PTPRN2: variants seen among roughly 807,000 people sequenced by gnomAD.
PTPRN2 encodes receptor-type tyrosine-protein phosphatase N2.
PTPRN2 carries 74 observed loss-of-function variants against 118.8 expected under a neutral mutation model. The observed-to-expected ratio is 0.62, with a 90% CI of 0.52 to 0.76. The LOEUF is 0.76. PTPRN2 is among the 30% of genes least tolerant of loss of function. The probability of loss-of-function intolerance (pLI) is 0.00; values close to 1 mark genes in which losing one functional copy is unlikely to be tolerated. For synonymous variants in PTPRN2, 641 were observed against 608.0 expected, an observed-to-expected ratio of 1.05 and a Z score of -0.80; for missense variants, 1,481 against 1,394.4, an observed-to-expected ratio of 1.06 and a Z score of -0.99.
chr7:158,508,045 T>C (rs541594966), intron 1 of PTPRN2, among the ~76,000 whole-genome samples: 13 of 129,278 alleles, frequency 1.0e-4, no homozygotes, highest in Admixed American at 4.6e-4. Context: ...GGGACAGCGC[T>C]ACAGTGTTAC....
Position 158,555,281 on chromosome 7 carries a change from T to C in PTPRN2, c.112+32277A>G, listed in dbSNP as rs906930279. Among the ~76,000 whole-genome samples the C allele has an allele frequency of 3.9e-5, 6 of 152,194 alleles. No homozygotes were observed. The highest frequency in any genetic ancestry group is 3.4e-3 in the Middle Eastern group (1 of 294). On this transcript the variant is annotated intron_variant, in intron 1 of 22. Coordinates refer to ENST00000389418, the MANE Select transcript of PTPRN2 (RefSeq NM_002847.5). This position sits in a 1 kb window ranked among gnomAD's most constrained non-coding sequence, Gnocchi z 4.7. ...TCCCACAGCTGCCTTTTGGGGGAGGTTGGGGCTTATGCCTTAGGGCGCCAG... is the reference window on the plus strand; with the variant it reads ...TCCCACAGCTGCCTTTTGGGGGAGGCTGGGGCTTATGCCTTAGGGCGCCAG...
chr7:157,945,144 C>T (rs941932878), intron 11 of PTPRN2, among the ~76,000 whole-genome samples: 7 of 152,154 alleles, frequency 4.6e-5, no homozygotes, highest in African/African-American at 1.4e-4. Flanking sequence ...AGCAGGGATC[C>T]GTGCAGGGAT....
At chr7:158,317,078 C>T (rs999885527) in intron 2 of PTPRN2, 146 bp from the exon 3 acceptor site, 24 of 564,552 alleles carry the variant, frequency 4.3e-5, no homozygotes, top group Non-Finnish European at 6.4e-5. Flanking sequence ...TGTTAGGACC[C>T]GGGAGCACCC....
At chr7:158,109,646 G>T (rs73748068) in intron 10 of PTPRN2, among the ~76,000 whole-genome samples, 1 of 150,992 alleles carries the variant, frequency 6.6e-6, no homozygotes, top group African/African-American at 2.4e-5. Flanking sequence ...GTGTCTGAAT[G>T]ATGTCACCCC....
intron 2 of PTPRN2, among the ~76,000 whole-genome samples, chr7:158,323,360 G>A (rs1373145073): frequency 3.3e-5 from 5 of 152,142 alleles, no homozygotes; most frequent in Non-Finnish European, 7.4e-5. Context: ...CAGAGTTCTA[G>A]GACGCAACCC....
At chr7:157,552,830 A>G (rs1049561448) in intron 21 of PTPRN2, among the ~76,000 whole-genome samples, 3 of 152,144 alleles carry the variant, frequency 2.0e-5, no homozygotes, top group Admixed American at 1.3e-4. Flanking sequence ...CCTGGCCGGG[A>G]AGCTGGATGG....
At chr7:158,494,362 A>G (rs1821676501) in intron 1 of PTPRN2, among the ~76,000 whole-genome samples, 1 of 152,242 alleles carries the variant, frequency 6.6e-6, no homozygotes, top group Admixed American at 6.5e-5. Context: ...CCTGACTGCC[A>G]TGAGGGCAGA....
intron 3 of PTPRN2, among the ~76,000 whole-genome samples, chr7:158,231,786 A>G (rs527702906): frequency 2.0e-5 from 3 of 152,344 alleles, no homozygotes; most frequent in South Asian, 2.1e-4. Context: ...TCTGACCACC[A>G]TAGACTAAAA....
chr7:158,545,588 G>A (rs1826231857), intron 1 of PTPRN2, among the ~76,000 whole-genome samples: 1 of 152,190 alleles, frequency 6.6e-6, no homozygotes, highest in Non-Finnish European at 1.5e-5. Context: ...TGTGGCTGAT[G>A]AGGAGCTGAG....
In PTPRN2 at chr7:157,610,572, C is replaced by A. The variant is rs1176029245; in HGVS notation, c.2345-6497G>T. ...GCTGCAAAGGCACATCCCGGGGCTG[C>A]TGGCCGTCAGCAAGGGCCGTCAGTG... is the stretch of plus-strand genomic sequence containing the variant. On this transcript the variant is annotated intron_variant, in intron 15 of 22. Coordinates refer to ENST00000389418, the MANE Select transcript of PTPRN2 (RefSeq NM_002847.5). The surrounding 1 kb of genome is among the most constrained non-coding windows in gnomAD (Gnocchi z 5.1). Among the ~76,000 whole-genome samples, 5 of 152,208 alleles carry A rather than the reference C, an allele frequency of 3.3e-5. No individual in the cohort carries two copies. The highest frequency in any genetic ancestry group is 1.3e-4 in the Admixed American group (2 of 15,286).
At chr7:158,001,528 G>A (rs943115857) in intron 11 of PTPRN2, among the ~76,000 whole-genome samples, 3 of 152,156 alleles carry the variant, frequency 2.0e-5, no homozygotes, top group Middle Eastern at 3.4e-3. Context: ...CTGAGTCCAC[G>A]GCTGGGGACG....
chr7:158,340,041 G>A (rs1426986927), intron 2 of PTPRN2, among the ~76,000 whole-genome samples: 1 of 75,196 alleles, frequency 1.3e-5, no homozygotes, highest in African/African-American at 4.9e-5. Context: ...GACATATGCA[G>A]ACGTCACTCA....
chr7:158,405,449 G>GT (rs1396052636), intron 2 of PTPRN2, among the ~76,000 whole-genome samples: 1 of 152,150 alleles, frequency 6.6e-6, no homozygotes, highest in South Asian at 2.1e-4. Flanking sequence ...TGGAGGAAAT[G>GT]TTTTTTTAGC....
intron 3 of PTPRN2, among the ~76,000 whole-genome samples, chr7:158,268,476 G>T (rs1247824437): frequency 6.8e-6 from 1 of 147,754 alleles, no homozygotes; most frequent in African/African-American, 2.5e-5. Context: ...CACACACAGG[G>T]TGGGTGTGAA....
At chr7:158,334,130 TCA>T (rs1805095972) in intron 2 of PTPRN2, among the ~76,000 whole-genome samples, 1 of 28,482 alleles carries the variant, frequency 3.5e-5, no homozygotes, top group East Asian at 1.1e-3. Context: ...ACCCACACTC[TCA>T]CCATAAGAGG....
chr7:158,056,888 A>C (rs1585291513), intron 11 of PTPRN2, among the ~76,000 whole-genome samples: 1 of 152,214 alleles, frequency 6.6e-6, no homozygotes, highest in African/African-American at 2.4e-5. Context: ...AAGCAGGTGC[A>C]GCTGTGCCAC....
At chr7:157,962,836 T>G (rs1380782369) in intron 11 of PTPRN2, among the ~76,000 whole-genome samples, 1 of 152,124 alleles carries the variant, frequency 6.6e-6, no homozygotes, top group African/African-American at 2.4e-5. Flanking sequence ...GACTAGAGGG[T>G]CATATCAACC....
Position 157,895,321 on chromosome 7 carries a change from G to A in PTPRN2, c.1788+3352C>T, listed in dbSNP as rs369462240. Among the ~76,000 whole-genome samples, 165 of 146,214 alleles carry A rather than the reference G, an allele frequency of 1.1e-3. 2 individuals are homozygous for A. The East Asian group carries it at 0.017, about 15-fold the overall frequency. Reference sequence around the variant, plus strand: ...AAAATAAGCCAGAGGATCTGGACGAGACCATAAAATAAGCCAGAGGGTCTG... The same window carrying A: ...AAAATAAGCCAGAGGATCTGGACGAAACCATAAAATAAGCCAGAGGGTCTG... On this transcript the variant is annotated intron_variant, in intron 12 of 22. Transcript: ENST00000389418.
At position 157,874,554 on chromosome 7, in the gene PTPRN2, G is replaced by A. The variant is rs545289089; in HGVS notation, c.1788+24119C>T. Among the ~76,000 whole-genome samples the A allele has an allele frequency of 1.3e-5, 2 of 152,216 alleles. No homozygotes were observed. Among genetic ancestry groups the A allele is most frequent in the African/African-American group, 4.8e-5 (2 of 41,524 alleles). On this transcript the variant is annotated intron_variant, in intron 12 of 22. Transcript: ENST00000389418. This position sits in a 1 kb window ranked among gnomAD's most constrained non-coding sequence, Gnocchi z 5.8. Reference sequence around the variant, plus strand: ...TTTCAGTGAAGCTTCGGGGTCACCTGCACGGCCTCTCGTGAGTAGGGGGAT... The same window carrying A: ...TTTCAGTGAAGCTTCGGGGTCACCTACACGGCCTCTCGTGAGTAGGGGGAT...
Sources: allele counts gnomAD v4.1 joint callset (sites outside exome capture counted in the v4.1 genomes callset), GRCh38; gene constraint gnomAD v4.1.1; non-coding constraint Gnocchi (gnomAD v3.1); transcripts MANE v1.5; gene names NCBI Gene and HGNC (gene_info 2026-07-23, HGNC 2026-07-21).